LYPD6: variants seen among roughly 807,000 people sequenced by gnomAD.
LYPD6 encodes the protein ly6/PLAUR domain-containing protein 6.
Under a neutral mutation model 22.7 loss-of-function variants are expected in LYPD6, and 15 were observed. The ratio of observed to expected loss-of-function variants is 0.66; its 90% CI spans 0.44 to 1.02. The LOEUF is 1.02. LYPD6 is among the 50% of genes least tolerant of loss of function. LYPD6 has a pLI of 0.00. For synonymous variants in LYPD6, 72 were observed against 77.5 expected, an observed-to-expected ratio of 0.93 and a Z score of 0.37; for missense variants, 189 against 208.4, an observed-to-expected ratio of 0.91 and a Z score of 0.57.
intron 1 of LYPD6, among the ~76,000 whole-genome samples, chr2:149,357,427 A>G (rs772802297): frequency 2.6e-5 from 4 of 152,174 alleles, no homozygotes; most frequent in Non-Finnish European, 5.9e-5. Context: ...GCACATGTTA[A>G]CATGGTTACT....
Position 149,471,981 on chromosome 2 carries a change from A to G in LYPD6, c.*1131A>G, listed in dbSNP as rs1025191299. 3 of 152,620 alleles carry G rather than the reference A, an allele frequency of 2.0e-5. No individual in the cohort carries two copies. The highest frequency in any genetic ancestry group is 4.4e-5 in the Non-Finnish European group (3 of 68,036). The allele number at this position is 152,620 out of a possible 1,614,324, so 9.5% of individuals were successfully genotyped here. ...GATTGCAAGACTAACAAGGAGACTC[A>G]ATGGGAAGTTTTTCTTTCTTTTAGA... On this transcript the variant is annotated 3_prime_UTR_variant, in exon 5 of 5. Transcript: ENST00000334166.
intron 1 of LYPD6, among the ~76,000 whole-genome samples, chr2:149,347,911 A>G (rs1176377986): frequency 1.3e-5 from 2 of 152,090 alleles, no homozygotes; most frequent in African/African-American, 2.4e-5. Flanking sequence ...GGCCCTACCC[A>G]GGGATATTAA....
chr2:149,361,529 C>A (rs917878898), intron 1 of LYPD6, among the ~76,000 whole-genome samples: 1 of 152,162 alleles, frequency 6.6e-6, no homozygotes, highest in African/African-American at 2.4e-5. Context: ...GTCCTCCTTT[C>A]CTTTCTTGGT....
rs1559114320 is a variant in LYPD6, at chr2:149,330,629, C to G, written c.-165C>G. 2 of 151,740 alleles carry G rather than the reference C, an allele frequency of 1.3e-5. No homozygotes were observed. The highest frequency in any genetic ancestry group is 4.8e-5 in the African/African-American group (2 of 41,374). 9.4% of individuals were successfully genotyped at this position (151,740 alleles called of 1,614,324 possible). On this transcript the variant is annotated 5_prime_UTR_variant, in exon 1 of 5. Transcript: ENST00000334166. ...CTCCCGGGCTCCGGCAGCGGGCTGG[C>G]GGGGCGCCGCATTGCACACTCTGGG...
At chr2:149,481,787 G>T in the LYPD6 span, among the ~76,000 whole-genome samples, 4 of 152,096 alleles carry the variant, frequency 2.6e-5, no homozygotes, top group Non-Finnish European at 5.9e-5. Context: ...CATTGTTTAT[G>T]TTATGGTAAT....
chr2:149,368,780 G>A (rs534523877), intron 1 of LYPD6, among the ~76,000 whole-genome samples: 1 of 152,046 alleles, frequency 6.6e-6, no homozygotes, highest in Non-Finnish European at 1.5e-5. Context: ...AGGAGATAAT[G>A]AATTTGAGAT....
chr2:149,402,759 T>C (rs1682589968), intron 1 of LYPD6, among the ~76,000 whole-genome samples: 1 of 152,168 alleles, frequency 6.6e-6, no homozygotes, highest in African/African-American at 2.4e-5. Flanking sequence ...CTTTAAGTTT[T>C]AGGGTACATG....
chr2:149,428,240 T>C (rs772948444), intron 1 of LYPD6, among the ~76,000 whole-genome samples: 16 of 152,266 alleles, frequency 1.1e-4, no homozygotes, highest in Non-Finnish European at 1.6e-4. Flanking sequence ...AGCTAGTGGC[T>C]GGATCCTTTT....
Position 149,353,817 on chromosome 2 carries a change from G to C in LYPD6, c.-72+23095G>C, listed in dbSNP as rs117542584. 1.4e-4 allele frequency among the ~76,000 whole-genome samples: 22 copies of C among 151,888 alleles called. No individual in the cohort carries two copies. The East Asian group carries it at 3.7e-3, about 26-fold the overall frequency. ...AAACCTTTTTAAGGCTCTTTTCTCT[G>C]ACTCTCCAGCTTGTAAATTAAATCA... On this transcript the variant is annotated intron_variant, in intron 1 of 4. Coordinates refer to ENST00000334166, the MANE Select transcript of LYPD6 (RefSeq NM_194317.5).
At chr2:149,393,293 G>A (rs887800014) in intron 1 of LYPD6, among the ~76,000 whole-genome samples, 2 of 152,138 alleles carry the variant, frequency 1.3e-5, no homozygotes, top group African/African-American at 2.4e-5. Context: ...GATTTAGCTC[G>A]AAGAGGGTCC....
chr2:149,448,173 A>T (rs1440983486), intron 2 of LYPD6, among the ~76,000 whole-genome samples: 1 of 152,190 alleles, frequency 6.6e-6, no homozygotes, highest in Non-Finnish European at 1.5e-5. Flanking sequence ...CATGCCTGTA[A>T]TCCCAGCTAC....
intron 1 of LYPD6, among the ~76,000 whole-genome samples, chr2:149,357,476 C>T (rs879471027): frequency 1.3e-5 from 2 of 152,142 alleles, no homozygotes; most frequent in Non-Finnish European, 2.9e-5. Context: ...TCCCTGAGAG[C>T]TGTTTCTCTG....
At chr2:149,412,143 C>G (rs201972820) in intron 1 of LYPD6, among the ~76,000 whole-genome samples, 2 of 152,094 alleles carry the variant, frequency 1.3e-5, no homozygotes, top group Non-Finnish European at 2.9e-5. Context: ...AGAGTATATA[C>G]ATTTAAAAAA....
chr2:149,453,399 T>C (rs935165335), intron 3 of LYPD6, among the ~76,000 whole-genome samples: 2 of 152,244 alleles, frequency 1.3e-5, no homozygotes, highest in Non-Finnish European at 2.9e-5. Flanking sequence ...AAGGCTTGTT[T>C]TGTGGAGGAT....
chr2:149,401,312 G>A (rs945966861), intron 1 of LYPD6, among the ~76,000 whole-genome samples: 16 of 152,182 alleles, frequency 1.1e-4, no homozygotes, highest in South Asian at 2.1e-4. Flanking sequence ...GGGTCAGGCC[G>A]GTTGCCACCC....
At chr2:149,374,247 C>T (rs1681869616) in intron 1 of LYPD6, among the ~76,000 whole-genome samples, 1 of 151,990 alleles carries the variant, frequency 6.6e-6, no homozygotes, top group Non-Finnish European at 1.5e-5. Flanking sequence ...AATACATAGA[C>T]TGAGAAAAAA....
chr2:149,470,956 A>C lies in LYPD6; in HGVS notation c.*106A>C. ...AGTAATTACACATGTGAGACACAAC[A>C]CTCTTGGAGGTCATCACAGCCAAGC... On this transcript the variant is annotated 3_prime_UTR_variant, in exon 5 of 5. Transcript: ENST00000334166. 9.7e-7 allele frequency: 1 copy of C among 1,032,610 alleles called. No individual in the cohort carries two copies. Among genetic ancestry groups the C allele is most frequent in the Non-Finnish European group, 1.4e-6 (1 of 699,300 alleles). 64.0% of individuals were successfully genotyped at this position (1,032,610 alleles called of 1,614,324 possible). A position where few individuals can be genotyped will look rare whatever the true frequency, so the allele number is the denominator to read the frequency against.
chr2:149,403,784 G>A (rs1682621893), intron 1 of LYPD6, among the ~76,000 whole-genome samples: 1 of 152,196 alleles, frequency 6.6e-6, no homozygotes, highest in Non-Finnish European at 1.5e-5. Context: ...TGCTTTTGGT[G>A]TTTTAGACAT....
intron 1 of LYPD6, among the ~76,000 whole-genome samples, chr2:149,414,955 A>G (rs939410576): frequency 6.6e-6 from 1 of 152,172 alleles, no homozygotes; most frequent in African/African-American, 2.4e-5. Flanking sequence ...GAACCAGTTT[A>G]CAACATTAAA....
Sources: allele counts gnomAD v4.1 joint callset (sites outside exome capture counted in the v4.1 genomes callset), GRCh38; gene constraint gnomAD v4.1.1; transcripts MANE v1.5; gene names NCBI Gene and HGNC (gene_info 2026-07-23, HGNC 2026-07-21).